Variants in ADAM23 observed in about 807,000 individuals in gnomAD.
ADAM23 encodes ADAM metallopeptidase domain 23.
In ADAM23, 33 loss-of-function variants were observed where a neutral mutation model predicts 120.1. The observed-to-expected ratio is 0.27, with a 90% CI of 0.21 to 0.37. The LOEUF (loss-of-function observed/expected upper bound fraction) is 0.37, where lower values mean the gene tolerates loss of function less well. Ranked by LOEUF, ADAM23 falls within the 10% of genes least tolerant of loss-of-function variation. The pLI is 1.00. For missense variants in ADAM23, 862 were observed against 1,058.2 expected, an observed-to-expected ratio of 0.81 and a Z score of 2.57; for synonymous variants, 367 against 375.2, an observed-to-expected ratio of 0.98 and a Z score of 0.25.
intron 2 of ADAM23, among the ~76,000 whole-genome samples, chr2:206,454,228 A>G (rs756849848): frequency 6.6e-5 from 10 of 152,184 alleles, no homozygotes; most frequent in African/African-American, 2.4e-4. Flanking sequence ...CAGGAAACTT[A>G]AAGTCTTGGT....
intron 4 of ADAM23, among the ~76,000 whole-genome samples, chr2:206,540,941 T>TTTTATAAATATTA (rs1333286723): frequency 6.8e-6 from 1 of 147,852 alleles, no homozygotes; most frequent in Non-Finnish European, 1.5e-5. Flanking sequence ...TATAAAATTC[T>TTTTATAAATATTA]TTTATAAATA....
At chr2:206,543,114 A>T (rs1697326446) in intron 5 of ADAM23, 139 bp from the exon 6 acceptor site, 1 of 717,876 alleles carries the variant, frequency 1.4e-6, no homozygotes, top group Non-Finnish European at 2.4e-6. Context: ...AGATATGTGA[A>T]TTAAACTTGT....
At chr2:206,474,039 C>T (rs1272100860) in intron 2 of ADAM23, among the ~76,000 whole-genome samples, 1 of 149,674 alleles carries the variant, frequency 6.7e-6, no homozygotes, top group South Asian at 2.1e-4. Flanking sequence ...AAAAAAAAAC[C>T]AGAAAAACAA....
intron 18 of ADAM23, among the ~76,000 whole-genome samples, chr2:206,576,685 T>C (rs950451399): frequency 6.6e-6 from 1 of 152,276 alleles, no homozygotes; most frequent in Non-Finnish European, 1.5e-5. Flanking sequence ...GGCAACATTA[T>C]GACTTTATCT....
At chr2:206,462,393 C>G (rs962200930) in intron 2 of ADAM23, among the ~76,000 whole-genome samples, 5 of 152,206 alleles carry the variant, frequency 3.3e-5, no homozygotes, top group African/African-American at 1.2e-4. Flanking sequence ...TATCTCTACC[C>G]TATTTTTAGA....
rs1245210808 is a variant in ADAM23, at chr2:206,608,095, A to C, written c.2360-1815A>C. 6 of 338,978 alleles carry C rather than the reference A, an allele frequency of 1.8e-5. No individual in the cohort carries two copies. The Admixed American group carries it at 2.1e-4, about 12-fold the overall frequency. The allele number at this position is 338,978 out of a possible 1,614,324, so 21.0% of individuals were successfully genotyped here. Reference sequence around the variant, plus strand: ...GGAGGAAATACATGTAAGTAGAATAAAGTTTCTCTAAAACAGAAGTTAGCA... The same window carrying C: ...GGAGGAAATACATGTAAGTAGAATACAGTTTCTCTAAAACAGAAGTTAGCA... On this transcript the variant is annotated intron_variant, in intron 24 of 25. Transcript: ENST00000264377.
rs370614047 is a variant in ADAM23 at position 206,542,256 on chromosome 2, G to A, written c.656+122G>A. On this transcript the variant is annotated intron_variant, in intron 5 of 25. Coordinates refer to ENST00000264377, the MANE Select transcript of ADAM23 (RefSeq NM_003812.4). ...TGTTAGGGACTGCATGTGGAGTGGT[G>A]CACAAGGAGGGCAATGTCCCTGTCC... 1.6e-4 allele frequency: 152 copies of A among 922,376 alleles called. No homozygotes were observed. The African/African-American group carries it at 2.0e-3, about 12-fold the overall frequency. The allele number at this position is 922,376 out of a possible 1,614,324, so 57.1% of individuals were successfully genotyped here.
At chr2:206,452,685 A>G (rs2105851369) in intron 2 of ADAM23, among the ~76,000 whole-genome samples, 1 of 152,262 alleles carries the variant, frequency 6.6e-6, no homozygotes, top group South Asian at 2.1e-4. Context: ...ACCCAGGAGC[A>G]TTTGCCCAAT....
chr2:206,465,270 C>T (rs1695521065), intron 2 of ADAM23, among the ~76,000 whole-genome samples: 1 of 152,096 alleles, frequency 6.6e-6, no homozygotes, highest in Non-Finnish European at 1.5e-5. Context: ...AAACTCCTTG[C>T]CTTAATTCAT....
At chr2:206,461,420 G>A (rs1299085999) in intron 2 of ADAM23, among the ~76,000 whole-genome samples, 1 of 152,220 alleles carries the variant, frequency 6.6e-6, no homozygotes, top group South Asian at 2.1e-4. Context: ...CTTTAAAAGG[G>A]AGACCAGACT....
intron 23 of ADAM23, 38 bp downstream of exon 23, chr2:206,594,943 G>A (rs1698495834): frequency 1.2e-6 from 2 of 1,607,680 alleles, no homozygotes; most frequent in African/African-American, 1.3e-5. Flanking sequence ...AACCTTCATG[G>A]TCTGGCATGG....
Position 206,547,498 on chromosome 2 carries a change from C to A in ADAM23, c.790C>A (p.Leu264Ile). 1.2e-6 allele frequency: 2 copies of A among 1,609,194 alleles called. No homozygotes were observed. Among genetic ancestry groups the A allele is most frequent in the Non-Finnish European group, 1.7e-6 (2 of 1,176,060 alleles). ...ACAGTATTCTAAGCAAATGAAGAAT[C>A]TCAGTAAGTTTTAACTAAAAATAGC... ...AGQYSKQMKN[L>I]TMERGDQWPF... Residue 264 changes from leucine (L) to isoleucine (I), a missense_variant, in exon 7 of 26, where the codon CTC (leucine) becomes ATC (isoleucine). This residue lies in a region of ADAM23 where 617 missense variants were observed against 813.5 expected (regional missense o/e 0.76). Coordinates refer to ENST00000264377, the MANE Select transcript of ADAM23 (RefSeq NM_003812.4).
chr2:206,513,322 A>G (rs1262194988), intron 3 of ADAM23, among the ~76,000 whole-genome samples: 1 of 152,232 alleles, frequency 6.6e-6, no homozygotes, highest in East Asian at 1.9e-4. Context: ...ATTCCAGTGA[A>G]CACAGGAATG....
chr2:206,613,677 G>A (rs1297303018), intron 25 of ADAM23, among the ~76,000 whole-genome samples: 2 of 152,074 alleles, frequency 1.3e-5, no homozygotes, highest in Non-Finnish European at 2.9e-5. Flanking sequence ...TGCTTGATTC[G>A]ACTGTTAGAG....
chr2:206,519,963 C>T (rs1177761706), intron 3 of ADAM23, among the ~76,000 whole-genome samples: 1 of 151,866 alleles, frequency 6.6e-6, no homozygotes, highest in Non-Finnish European at 1.5e-5. Flanking sequence ...TGCTGTGGGT[C>T]GTGATATTTC....
rs553239571 is a variant in ADAM23 at position 206,569,332 on chromosome 2, AAGTT to A, written c.1495-1404_1495-1401del. Among the ~76,000 whole-genome samples, 469 of 152,328 alleles carry A rather than the reference AAGTT, an allele frequency of 3.1e-3. 2 individuals carry two copies. Among genetic ancestry groups the A allele is most frequent in the African/African-American group, 0.011 (446 of 41,574 alleles). Reference sequence around the variant, plus strand: ...AACTATAAATCATCTATTTTTTAAAAAGTTAGTAAATATGGAATTATGTCTTTTT... The same window carrying A: ...AACTATAAATCATCTATTTTTTAAAAAGTAAATATGGAATTATGTCTTTTT... On this transcript the variant is annotated intron_variant, in intron 15 of 25. Transcript: ENST00000264377.
At chr2:206,584,232 T>G (rs1246953381) in intron 18 of ADAM23, among the ~76,000 whole-genome samples, 1 of 152,152 alleles carries the variant, frequency 6.6e-6, no homozygotes, top group East Asian at 1.9e-4. Context: ...CTCTCAGCTG[T>G]GGATACCAGT....
At chr2:206,616,871 A>G (rs1361847225) in intron 25 of ADAM23, among the ~76,000 whole-genome samples, 1 of 152,148 alleles carries the variant, frequency 6.6e-6, no homozygotes, top group Non-Finnish European at 1.5e-5. Context: ...CTCTTTAAAC[A>G]TAGGAGCCAC....
At chr2:206,543,655 GCA>G (rs1281682814) in intron 6 of ADAM23, among the ~76,000 whole-genome samples, 2 of 151,954 alleles carry the variant, frequency 1.3e-5, no homozygotes, top group Non-Finnish European at 2.9e-5. Flanking sequence ...AAAGATACTT[GCA>G]CACACACATT....
Sources: gnomAD v4.1 joint callset for allele counts (sites outside exome capture counted in the v4.1 genomes callset) on GRCh38, gnomAD v4.1.1 for gene constraint, gnomAD v4.1.1 regional missense constraint, MANE v1.5 for transcripts, NCBI Gene and HGNC (gene_info 2026-07-23, HGNC 2026-07-21) for gene names.